Variants in FBXL4 observed in about 807,000 individuals in gnomAD.
FBXL4 encodes F-box/LRR-repeat protein 4.
A neutral mutation model predicts 58.9 loss-of-function variants in FBXL4; 40 were observed. The observed-to-expected ratio is 0.68, with a 90% CI of 0.53 to 0.88. The LOEUF (loss-of-function observed/expected upper bound fraction) is 0.88. Among genes scored for constraint, FBXL4 ranks in the 40% least tolerant of loss-of-function variants. FBXL4 has a pLI of 0.00. For synonymous variants in FBXL4, 263 were observed against 265.5 expected, an observed-to-expected ratio of 0.99 and a Z score of 0.09; for missense variants, 676 against 734.4, an observed-to-expected ratio of 0.92 and a Z score of 0.92.
At chr6:98,906,927 A>T (rs1029605050) in intron 5 of FBXL4, among the ~76,000 whole-genome samples, 5 of 152,182 alleles carry the variant, frequency 3.3e-5, no homozygotes, top group Admixed American at 3.3e-4. Context: ...ACCAGTGATG[A>T]TGAACATTTT....
At chr6:98,900,653 G>A (rs1414512296) in intron 6 of FBXL4, among the ~76,000 whole-genome samples, 1 of 152,112 alleles carries the variant, frequency 6.6e-6, no homozygotes, top group African/African-American at 2.4e-5. Flanking sequence ...AGTTTTTAAA[G>A]GTCAAAGCAC....
chr6:98,879,749 T>A (rs937290704), intron 8 of FBXL4, among the ~76,000 whole-genome samples: 3 of 147,284 alleles, frequency 2.0e-5, no homozygotes, highest in African/African-American at 7.3e-5. Context: ...AAGACCAGCC[T>A]GACCAATAGG....
chr6:98,892,879 A>C (rs1771277153), intron 7 of FBXL4, among the ~76,000 whole-genome samples: 1 of 152,222 alleles, frequency 6.6e-6, no homozygotes, highest in African/African-American at 2.4e-5. Flanking sequence ...CTAGTCCCCC[A>C]CAATACCTAT....
chr6:98,916,296 A>C (rs1772342520), intron 5 of FBXL4, among the ~76,000 whole-genome samples: 1 of 152,202 alleles, frequency 6.6e-6, no homozygotes, highest in Admixed American at 6.5e-5. Flanking sequence ...ATACCATTTG[A>C]CCCAGCCATC....
chr6:98,912,513 G>A (rs1312490590), intron 5 of FBXL4, among the ~76,000 whole-genome samples: 2 of 152,078 alleles, frequency 1.3e-5, no homozygotes, highest in African/African-American at 4.8e-5. Context: ...GAGAGTGGGG[G>A]CCAATATTCA....
At chr6:98,936,518 C>G (rs769805996) in intron 1 of FBXL4, among the ~76,000 whole-genome samples, 1 of 152,200 alleles carries the variant, frequency 6.6e-6, no homozygotes, top group Non-Finnish European at 1.5e-5. Flanking sequence ...CATCCTCTTC[C>G]TCCCTCTTAG....
In FBXL4 at chr6:98,895,827, G is replaced by A. The variant is rs149123391; in HGVS notation, c.1317+3441C>T. On this transcript the variant is annotated intron_variant, in intron 7 of 9. Transcript: ENST00000369244. ...CGGACTTGTCTAAGTCTTGTAAAAT[G>A]GCATAAATATACTATATTTATTAAT... Among the ~76,000 whole-genome samples, 528 of 152,056 alleles carry A rather than the reference G, an allele frequency of 3.5e-3. 3 individuals are homozygous for A. Among genetic ancestry groups the A allele is most frequent in the African/African-American group, 0.012 (479 of 41,504 alleles).
At chr6:98,942,175 CTA>C (rs1177789373) in intron 1 of FBXL4, among the ~76,000 whole-genome samples, 5 of 151,098 alleles carry the variant, frequency 3.3e-5, no homozygotes, top group Admixed American at 2.6e-4. Context: ...CTTCCTGAAA[CTA>C]TTACTTAAAA....
intron 5 of FBXL4, among the ~76,000 whole-genome samples, chr6:98,914,390 T>C (rs905289919): frequency 6.6e-6 from 1 of 152,170 alleles, no homozygotes. Context: ...CCAATATCCT[T>C]GATGAACATT....
At chr6:98,879,582 T>C (rs980523669) in intron 8 of FBXL4, among the ~76,000 whole-genome samples, 1 of 152,108 alleles carries the variant, frequency 6.6e-6, no homozygotes, top group South Asian at 2.1e-4. Context: ...AAAATCGTAT[T>C]TTAAATCTGG....
At chr6:98,901,482 A>G (rs1197672206) in intron 6 of FBXL4, among the ~76,000 whole-genome samples, 2 of 152,204 alleles carry the variant, frequency 1.3e-5, no homozygotes, top group South Asian at 2.1e-4. Context: ...TTAGGAGACA[A>G]TAGGAAACTT....
intron 8 of FBXL4, among the ~76,000 whole-genome samples, chr6:98,877,923 T>A (rs1313954095): frequency 6.6e-6 from 1 of 152,176 alleles, no homozygotes; most frequent in Non-Finnish European, 1.5e-5. Flanking sequence ...TTCTAAGTAG[T>A]CCTAAAAACA....
chr6:98,875,224 A>G (rs772459544), intron 9 of FBXL4, 191 bp downstream of exon 9: 3 of 611,370 alleles, frequency 4.9e-6, no homozygotes, highest in Non-Finnish European at 8.7e-6. Context: ...TCACTATTTT[A>G]TTAAAGTACA....
intron 5 of FBXL4, among the ~76,000 whole-genome samples, chr6:98,910,978 T>C (rs1340543517): frequency 1.3e-5 from 2 of 152,152 alleles, no homozygotes; most frequent in Non-Finnish European, 2.9e-5. Context: ...CCCACCCAAA[T>C]ACTGCGCTTT....
intron 8 of FBXL4, among the ~76,000 whole-genome samples, chr6:98,877,256 C>A (rs195832): frequency 0.69 from 104,461 of 151,946 alleles, 36,762 homozygotes; most frequent in African/African-American, 0.85. Context: ...TATCTCCTTA[C>A]GTGAGTATAC....
In FBXL4 at chr6:98,872,338, A is replaced by C. The variant is rs1770513059; in HGVS notation, c.*1940T>G. ...AACCTTTCAAGTGATGAATATGCTC[A>C]ACAAAAATCATATTCTCATGGATTA... On this transcript the variant is annotated 3_prime_UTR_variant, in exon 10 of 10. Transcript: ENST00000369244. 6.6e-6 allele frequency: 1 copy of C among 152,242 alleles called. No homozygotes were observed. The highest frequency in any genetic ancestry group is 2.4e-5 in the African/African-American group (1 of 41,466). The allele number at this position is 152,242 out of a possible 1,614,324, so 9.4% of individuals were successfully genotyped here. A position where few individuals can be genotyped will look rare whatever the true frequency, so the allele number is the denominator to read the frequency against.
At chr6:98,912,290 G>C (rs2128397633) in intron 5 of FBXL4, among the ~76,000 whole-genome samples, 1 of 152,266 alleles carries the variant, frequency 6.6e-6, no homozygotes, top group East Asian at 1.9e-4. Context: ...AATCTAGCAA[G>C]GCAGGCCAAC....
chr6:98,902,321 A>C (rs1159240446), intron 6 of FBXL4, among the ~76,000 whole-genome samples: 1 of 152,168 alleles, frequency 6.6e-6, no homozygotes, highest in Non-Finnish European at 1.5e-5. Context: ...TAGCTGATCC[A>C]AAATAAAGCC....
intron 5 of FBXL4, among the ~76,000 whole-genome samples, chr6:98,911,671 CCAT>C (rs1772077463): frequency 6.6e-6 from 1 of 152,088 alleles, no homozygotes; most frequent in African/African-American, 2.4e-5. Context: ...CACCAAAAAC[CCAT>C]CTGTACATCA....
Sources: gnomAD v4.1 joint callset for allele counts (sites outside exome capture counted in the v4.1 genomes callset) on GRCh38, gnomAD v4.1.1 for gene constraint, MANE v1.5 for transcripts, NCBI Gene and HGNC (gene_info 2026-07-23, HGNC 2026-07-21) for gene names.